The following SUN3 variants were observed in gnomAD, a reference collection of about 807,000 sequenced individuals.
SUN3 encodes SUN domain-containing protein 3.
Under a neutral mutation model 48.2 loss-of-function variants are expected in SUN3, and 36 were observed. That is an observed-to-expected ratio of 0.75 (90% confidence interval 0.57 to 0.99). The LOEUF is 0.99. Among genes scored for constraint, SUN3 ranks in the 50% least tolerant of loss-of-function variants. The pLI, the probability that SUN3 is intolerant of heterozygous loss-of-function variation, is 0.00. For missense variants in SUN3, 419 were observed against 433.1 expected, an observed-to-expected ratio of 0.97 and a Z score of 0.29; for synonymous variants, 148 against 147.9, an observed-to-expected ratio of 1.00 and a Z score of 0.00.
chr7:48,033,493 T>A (rs1413119673), upstream of SUN3, among the ~76,000 whole-genome samples: 1 of 152,126 alleles, frequency 6.6e-6, no homozygotes, highest in Non-Finnish European at 1.5e-5. Context: ...GCTTAAGAGT[T>A]CAAAGCTTCG....
At chr7:47,992,283 G>C (rs1184804906) in intron 8 of SUN3, among the ~76,000 whole-genome samples, 1 of 152,204 alleles carries the variant, frequency 6.6e-6, no homozygotes, top group Non-Finnish European at 1.5e-5. Flanking sequence ...TACCCGCAAG[G>C]GGGAAAAGTG....
intron 6 of SUN3, among the ~76,000 whole-genome samples, chr7:47,999,757 A>C (rs1789309087): frequency 2.0e-5 from 3 of 151,982 alleles, no homozygotes; most frequent in Admixed American, 2.0e-4. Context: ...CTGGTCTCGA[A>C]CTCCTGACCT....
intron 7 of SUN3, among the ~76,000 whole-genome samples, chr7:47,995,398 A>G (rs1222172137): frequency 1.3e-5 from 2 of 152,074 alleles, no homozygotes; most frequent in African/African-American, 2.4e-5. Flanking sequence ...ATGGTGGTAG[A>G]GAAGAAAAAT....
chr7:48,006,477 T>A (rs559711393), intron 5 of SUN3, among the ~76,000 whole-genome samples: 40 of 152,334 alleles, frequency 2.6e-4, no homozygotes, highest in Middle Eastern at 6.8e-3. Context: ...ACAGACTACA[T>A]GATTGCTTAT....
the SUN3 span, among the ~76,000 whole-genome samples, chr7:48,035,265 G>A: frequency 7.0e-6 from 1 of 142,190 alleles, no homozygotes; most frequent in Non-Finnish European, 1.5e-5. This position sits in a 1 kb window ranked among gnomAD's most constrained non-coding sequence, Gnocchi z 4.0. Flanking sequence ...ACGTCCCCAC[G>A]CCCCCACACC....
chr7:48,001,527 T>TG (rs1789369654), intron 6 of SUN3, among the ~76,000 whole-genome samples: 1 of 119,632 alleles, frequency 8.4e-6, no homozygotes, highest in African/African-American at 3.1e-5. Flanking sequence ...TTTCTGTTTT[T>TG]TTTGTTTTTT....
At chr7:47,994,518 T>C in intron 7 of SUN3, 36 bp from the exon 8 acceptor site, 3 of 1,563,846 alleles carry the variant, frequency 1.9e-6, no homozygotes, top group Non-Finnish European at 2.6e-6. Flanking sequence ...TCTTAACTAG[T>C]TATGTGAATC....
chr7:47,993,060 CAG>C, intron 8 of SUN3, among the ~76,000 whole-genome samples: 1 of 151,752 alleles, frequency 6.6e-6, no homozygotes, highest in South Asian at 2.1e-4. Context: ...ACCTGGGCAA[CAG>C]AGCTGAGACC....
rs1790216687 is a variant in SUN3, at chr7:48,029,069, G to A, written c.-131C>T. ...TTTGTATAATGTCTTCTTCCTCCAC[G>A]GGTGTTTCTTCTTGAAGACGGAATT... On this transcript the variant is annotated 5_prime_UTR_variant, in exon 1 of 10. Coordinates refer to ENST00000297325, the MANE Select transcript of SUN3 (RefSeq NM_001030019.2). 5 of 1,316,398 alleles carry A rather than the reference G, an allele frequency of 3.8e-6. No homozygotes were observed. In the South Asian group the frequency reaches 5.4e-5, roughly 14 times the overall value. 81.5% of individuals were successfully genotyped at this position (1,316,398 alleles called of 1,614,324 possible).
chr7:48,028,754 AGT>A (rs1790205208), intron 1 of SUN3, 61 bp downstream of exon 1: 1 of 1,583,808 alleles, frequency 6.3e-7, no homozygotes, highest in Non-Finnish European at 8.6e-7. Context: ...AACAGACACA[AGT>A]GACAGATGTA....
At chr7:48,006,079 C>G (rs558500033) in intron 5 of SUN3, 26 bp from the exon 6 acceptor site, 4 of 1,482,380 alleles carry the variant, frequency 2.7e-6, no homozygotes, top group Non-Finnish European at 3.7e-6. Context: ...AAACAGTTTT[C>G]TGTTAACAAT....
At chr7:47,989,329 A>G (rs142289282) in intron 8 of SUN3, among the ~76,000 whole-genome samples, 1 of 152,268 alleles carries the variant, frequency 6.6e-6, no homozygotes, top group Admixed American at 6.5e-5. Flanking sequence ...TGAGATAAAC[A>G]TAAGCCCATT....
In SUN3 at chr7:47,994,836, T is replaced by C. The variant is rs545778692; in HGVS notation, c.694-354A>G. 3.3e-5 allele frequency among the ~76,000 whole-genome samples: 5 copies of C among 152,278 alleles called. No individual in the cohort carries two copies. The South Asian group carries it at 1.0e-3, about 32-fold the overall frequency. ...ATGATGGTGGTAATAATGGTGGCAGTGGAGGTGACAGTGATGGTGGTGGTG... is the reference window on the plus strand; with the variant it reads ...ATGATGGTGGTAATAATGGTGGCAGCGGAGGTGACAGTGATGGTGGTGGTG... On this transcript the variant is annotated intron_variant, in intron 7 of 9. Coordinates refer to ENST00000297325, the MANE Select transcript of SUN3 (RefSeq NM_001030019.2).
chr7:48,020,239 G>T (rs1789954116), intron 2 of SUN3, among the ~76,000 whole-genome samples: 1 of 152,026 alleles, frequency 6.6e-6, no homozygotes, highest in South Asian at 2.1e-4. Flanking sequence ...TGCTGAAAAG[G>T]CATTTGGATA....
chr7:47,997,123 T>C (rs914142654), intron 6 of SUN3, among the ~76,000 whole-genome samples: 9 of 152,150 alleles, frequency 5.9e-5, no homozygotes, highest in Non-Finnish European at 1.2e-4. Context: ...TTTCCTAAGA[T>C]GACACACTTT....
chr7:48,009,547 C>G (rs994365575), intron 3 of SUN3, among the ~76,000 whole-genome samples: 2 of 152,060 alleles, frequency 1.3e-5, no homozygotes, highest in Admixed American at 1.3e-4. Flanking sequence ...GGGACTCCCA[C>G]TTACAAATAA....
chr7:48,005,871 T>G, intron 6 of SUN3, 98 bp downstream of exon 6: 4 of 574,194 alleles, frequency 7.0e-6, no homozygotes, highest in Non-Finnish European at 1.2e-5. Flanking sequence ...AGTTACCAGA[T>G]AAATATGTTT....
chr7:48,009,608 T>C (rs1213829864), intron 3 of SUN3, among the ~76,000 whole-genome samples: 1 of 151,842 alleles, frequency 6.6e-6, no homozygotes, highest in Non-Finnish European at 1.5e-5. Context: ...AATCAGAAAA[T>C]TGCAGAAATT....
upstream of SUN3, among the ~76,000 whole-genome samples, chr7:48,033,610 T>A (rs1457034098): frequency 6.6e-6 from 1 of 152,188 alleles, no homozygotes; most frequent in African/African-American, 2.4e-5. Flanking sequence ...TAAGGAATGA[T>A]AACACTTCAT....
Sources: gnomAD v4.1 joint callset for allele counts (sites outside exome capture counted in the v4.1 genomes callset) on GRCh38, gnomAD v4.1.1 for gene constraint, Gnocchi (gnomAD v3.1) non-coding constraint, MANE v1.5 for transcripts, NCBI Gene and HGNC (gene_info 2026-07-23, HGNC 2026-07-21) for gene names.